SPATA17: variants seen among roughly 807,000 people sequenced by gnomAD.
The protein encoded by SPATA17 is spermatogenesis associated 17, also known as spermatogenesis-associated protein 17.
Under a neutral mutation model 62.2 loss-of-function variants are expected in SPATA17, and 53 were observed. That is an observed-to-expected ratio of 0.85 (90% confidence interval 0.68 to 1.07). The LOEUF (loss-of-function observed/expected upper bound fraction) is 1.07, where lower values mean the gene tolerates loss of function less well. Ranked by LOEUF, SPATA17 falls within the 50% of genes least tolerant of loss-of-function variation. The pLI is 0.00. For synonymous variants in SPATA17, 146 were observed against 146.8 expected, an observed-to-expected ratio of 0.99 and a Z score of 0.04; for missense variants, 466 against 425.5, an observed-to-expected ratio of 1.10 and a Z score of -0.84.
intron 3 of SPATA17, among the ~76,000 whole-genome samples, chr1:217,668,465 G>A (rs188637869): frequency 6.6e-6 from 1 of 152,090 alleles, no homozygotes; most frequent in Non-Finnish European, 1.5e-5. Flanking sequence ...GTGTTAAAAT[G>A]AATATTAAAT....
At chr1:217,810,506 C>T (rs1199514909) in intron 9 of SPATA17, among the ~76,000 whole-genome samples, 2 of 151,958 alleles carry the variant, frequency 1.3e-5, no homozygotes, top group Admixed American at 6.6e-5. Context: ...CCTGTAATCT[C>T]AGCTACTTGG....
At chr1:217,665,981 A>G (rs1053765688) in intron 3 of SPATA17, among the ~76,000 whole-genome samples, 1 of 152,226 alleles carries the variant, frequency 6.6e-6, no homozygotes, top group Admixed American at 6.5e-5. Context: ...AATGCAAGAC[A>G]TCAATTCTCC....
At chr1:217,799,931 T>C (rs1327694707) in intron 8 of SPATA17, among the ~76,000 whole-genome samples, 1 of 152,102 alleles carries the variant, frequency 6.6e-6, no homozygotes, top group Admixed American at 6.5e-5. Flanking sequence ...CTATTTATAG[T>C]TTTTATTTCC....
intron 4 of SPATA17, among the ~76,000 whole-genome samples, chr1:217,672,750 C>T (rs1156724475): frequency 6.6e-6 from 1 of 152,070 alleles, no homozygotes; most frequent in Non-Finnish European, 1.5e-5. Flanking sequence ...GATCCCCCTA[C>T]CCCTGTAGAA....
At chr1:217,794,737 T>A (rs1346750486) in intron 8 of SPATA17, among the ~76,000 whole-genome samples, 5 of 152,212 alleles carry the variant, frequency 3.3e-5, no homozygotes, top group Admixed American at 2.0e-4. Context: ...GTTACCTGCC[T>A]GGCCCTTTAA....
chr1:217,651,183 A>G lies in SPATA17; in HGVS notation c.240+5A>G, dbSNP rs1461818817. On this transcript the variant is annotated splice_donor_5th_base_variant and intron_variant, in intron 3 of 10. Coordinates refer to ENST00000366933, the MANE Select transcript of SPATA17 (RefSeq NM_138796.4). ...CAATATCAACTAACTGTGCAGGTAAATATAAAATGTACATATGTTAGCATT... is the reference window on the plus strand; with the variant it reads ...CAATATCAACTAACTGTGCAGGTAAGTATAAAATGTACATATGTTAGCATT... The G allele has an allele frequency of 3.8e-6, 6 of 1,590,676 alleles. No homozygotes were observed. Among genetic ancestry groups the G allele is most frequent in the Non-Finnish European group, 5.1e-6 (6 of 1,166,722 alleles).
intron 5 of SPATA17, among the ~76,000 whole-genome samples, chr1:217,714,101 C>T (rs1671939020): frequency 6.6e-6 from 1 of 152,070 alleles, no homozygotes; most frequent in Non-Finnish European, 1.5e-5. Flanking sequence ...TTTTTGAGAA[C>T]CATCGGCTGG....
intron 1 of SPATA17, among the ~76,000 whole-genome samples, chr1:217,635,660 G>C (rs1669919457): frequency 1.3e-5 from 2 of 151,638 alleles, no homozygotes; most frequent in Admixed American, 1.3e-4. Context: ...GCCAAGGTCG[G>C]ACCATTGCAC....
At chr1:217,800,295 C>A (rs1674276439) in intron 8 of SPATA17, among the ~76,000 whole-genome samples, 1 of 152,042 alleles carries the variant, frequency 6.6e-6, no homozygotes, top group African/African-American at 2.4e-5. Context: ...GATATTTGAA[C>A]TCGTTTCTCT....
intron 1 of SPATA17, among the ~76,000 whole-genome samples, chr1:217,644,283 G>A (rs749798939): frequency 2.0e-5 from 3 of 152,096 alleles, no homozygotes; most frequent in East Asian, 1.9e-4. Flanking sequence ...ATCATCAAGC[G>A]TCTGTTATTA....
At chr1:217,685,844 A>G (rs533375784) in intron 5 of SPATA17, among the ~76,000 whole-genome samples, 10 of 152,276 alleles carry the variant, frequency 6.6e-5, no homozygotes, top group African/African-American at 2.4e-4. Flanking sequence ...GTACAGTACA[A>G]TAAGATATTT....
intron 9 of SPATA17, among the ~76,000 whole-genome samples, chr1:217,862,066 A>G (rs972714897): frequency 2.6e-5 from 4 of 151,182 alleles, no homozygotes; most frequent in Non-Finnish European, 4.4e-5. Flanking sequence ...ATGTTTTCTT[A>G]AGAAAAAAAA....
intron 9 of SPATA17, among the ~76,000 whole-genome samples, chr1:217,826,251 T>C (rs971038762): frequency 1.3e-5 from 2 of 152,148 alleles, no homozygotes; most frequent in African/African-American, 4.8e-5. Flanking sequence ...TCTCTGGTGT[T>C]GCTTCCTCTT....
intron 5 of SPATA17, among the ~76,000 whole-genome samples, chr1:217,691,552 T>G (rs2102912503): frequency 1.4e-5 from 1 of 70,660 alleles, no homozygotes; most frequent in African/African-American, 5.7e-5. Context: ...GTTTTGGACA[T>G]GAAGTCCTTG....
chr1:217,769,033 C>A (rs965394352), intron 6 of SPATA17, among the ~76,000 whole-genome samples: 4 of 151,984 alleles, frequency 2.6e-5, no homozygotes, highest in Non-Finnish European at 5.9e-5. Flanking sequence ...GCAAAGTGGA[C>A]CCTTTCTCAG....
chr1:217,724,121 T>G (rs551348905), intron 5 of SPATA17, among the ~76,000 whole-genome samples: 2 of 152,370 alleles, frequency 1.3e-5, no homozygotes, highest in South Asian at 4.1e-4. Context: ...TCAGTGCCTA[T>G]AGTATACATG....
chr1:217,822,325 C>A (rs922828917), intron 9 of SPATA17, among the ~76,000 whole-genome samples: 4 of 151,718 alleles, frequency 2.6e-5, no homozygotes, highest in African/African-American at 4.8e-5. Flanking sequence ...TTCTAAAAAT[C>A]TTTTTAGACA....
intron 5 of SPATA17, among the ~76,000 whole-genome samples, chr1:217,733,483 A>C (rs1672443231): frequency 6.6e-6 from 1 of 152,236 alleles, no homozygotes; most frequent in Admixed American, 6.5e-5. Flanking sequence ...TCTAATCAGA[A>C]GTGAGCCCCC....
At chr1:217,746,066 G>T (rs1571775970) in intron 6 of SPATA17, among the ~76,000 whole-genome samples, 1 of 151,896 alleles carries the variant, frequency 6.6e-6, no homozygotes, top group East Asian at 1.9e-4. Flanking sequence ...TAATTTCATT[G>T]CTTGTTTTAA....
Sources: gnomAD v4.1 joint callset for allele counts (sites outside exome capture counted in the v4.1 genomes callset) on GRCh38, gnomAD v4.1.1 for gene constraint, MANE v1.5 for transcripts, NCBI Gene and HGNC (gene_info 2026-07-23, HGNC 2026-07-21) for gene names.